Variants in RIOK1 observed in about 807,000 individuals in gnomAD.
RIOK1 encodes serine/threonine-protein kinase RIO1.
RIOK1 carries 66 observed loss-of-function variants against 73.5 expected under a neutral mutation model. The ratio of observed to expected loss-of-function variants is 0.90; its 90% CI spans 0.74 to 1.10. The LOEUF is 1.10. Ranked by LOEUF, RIOK1 falls within the 50% of genes least tolerant of loss-of-function variation. The probability of loss-of-function intolerance (pLI) is 0.00; values close to 1 mark genes in which losing one functional copy is unlikely to be tolerated. For missense variants in RIOK1, 658 were observed against 699.8 expected (o/e 0.94, Z 0.67); for synonymous variants, 224 against 226.8 (o/e 0.99, Z 0.11).
At position 7,389,881 on chromosome 6, in the gene RIOK1, G is replaced by A. The variant is rs1010842035; in HGVS notation, c.-122G>A. ...CCCGTCGCACGTGGTGGCCACTGTT[G>A]GCTTCTGAATGGTTTGCAAGGCGGA... is the stretch of plus-strand genomic sequence containing the variant. On this transcript the variant is annotated 5_prime_UTR_variant, in exon 1 of 17. Transcript: ENST00000379834. 1.1e-4 allele frequency: 80 copies of A among 705,498 alleles called. No individual in the cohort carries two copies. In the African/African-American group the frequency reaches 1.4e-3, roughly 13 times the overall value. The allele number at this position is 705,498 out of a possible 1,614,324, so 43.7% of individuals were successfully genotyped here.
intron 11 of RIOK1, 69 bp from the exon 12 acceptor site, chr6:7,405,180 C>A: frequency 8.9e-7 from 1 of 1,122,034 alleles, no homozygotes; most frequent in Admixed American, 1.9e-5. Flanking sequence ...CCTTGTTTCT[C>A]TATAAGGTAG....
Position 7,400,939 on chromosome 6 carries a change from T to A in RIOK1, c.481-19T>A. 1 of 1,529,132 alleles carries A rather than the reference T, an allele frequency of 6.5e-7. No individual in the cohort carries two copies. Among genetic ancestry groups the A allele is most frequent in the African/African-American group, 1.4e-5 (1 of 72,362 alleles). 94.7% of individuals were successfully genotyped at this position (1,529,132 alleles called of 1,614,324 possible). ...GGTACCGTCTTTTGGAACTTTTTAA[T>A]TTTTGCATTTCTTTTTAGGTGTTGG... On this transcript the variant is annotated intron_variant, in intron 5 of 16. Transcript: ENST00000379834.
chr6:7,417,500 T>C lies in RIOK1; in HGVS notation c.*59T>C. The C allele has an allele frequency of 9.4e-7, 1 of 1,060,376 alleles. No individual in the cohort carries two copies. The highest frequency in any genetic ancestry group is 1.4e-6 in the Non-Finnish European group (1 of 734,468). 65.7% of individuals were successfully genotyped at this position (1,060,376 alleles called of 1,614,324 possible). On this transcript the variant is annotated 3_prime_UTR_variant, in exon 17 of 17. Transcript: ENST00000379834. ...CAGTTCCTTTTCTCGCCTGAACTCT[T>C]AAGCTGCATCTGGAAGATGGCTTAT...
intron 1 of RIOK1, among the ~76,000 whole-genome samples, chr6:7,390,386 A>G (rs1761299167): frequency 6.6e-6 from 1 of 152,208 alleles, no homozygotes. Context: ...CGTTCAACAA[A>G]TACTTACTAA....
rs1424210518 is a variant in RIOK1 at position 7,403,952 on chromosome 6, CAG to C, written c.783_784del (p.Glu261AspfsTer21). On this transcript the variant is annotated frameshift_variant, in exon 9 of 17. Coordinates refer to ENST00000379834, the MANE Select transcript of RIOK1 (RefSeq NM_031480.3). LOFTEE classifies it high-confidence loss of function. ...TTATAATATCACAGGCTAAACACAG[CAG>C]AGATACCATGTCCAGAACCAATAAT... is the stretch of plus-strand genomic sequence containing the variant. 1 of 1,610,714 alleles carries C rather than the reference CAG, an allele frequency of 6.2e-7. No individual in the cohort carries two copies. Among genetic ancestry groups the C allele is most frequent in the South Asian group, 1.1e-5 (1 of 90,974 alleles).
chr6:7,401,582 T>G (rs1430237625), intron 6 of RIOK1, among the ~76,000 whole-genome samples: 1 of 152,124 alleles, frequency 6.6e-6, no homozygotes, highest in African/African-American at 2.4e-5. Flanking sequence ...TTTTGTTTTT[T>G]TTTTAAAGCA....
chr6:7,397,483 A>G (rs1312882144), intron 4 of RIOK1, among the ~76,000 whole-genome samples: 1 of 152,246 alleles, frequency 6.6e-6, no homozygotes, highest in Non-Finnish European at 1.5e-5. Context: ...AACTAATGAT[A>G]TAACTGAGAA....
chr6:7,396,867 G>C (rs922123953), intron 4 of RIOK1, 95 bp downstream of exon 4: 6 of 694,846 alleles, frequency 8.6e-6, no homozygotes, highest in African/African-American at 1.8e-5. Context: ...ATGTTCATTT[G>C]TATACTTAAA....
intron 16 of RIOK1, among the ~76,000 whole-genome samples, chr6:7,415,216 C>T (rs893185348): frequency 9.9e-5 from 15 of 152,120 alleles, no homozygotes; most frequent in Admixed American, 9.8e-4. Context: ...GGGCGGATCA[C>T]TCCAGACCAG....
chr6:7,416,899 A>G (rs781704236), intron 16 of RIOK1, among the ~76,000 whole-genome samples: 2 of 152,096 alleles, frequency 1.3e-5, no homozygotes, highest in Non-Finnish European at 2.9e-5. Context: ...TTTTCTTTAC[A>G]TTACACTCAC....
At chr6:7,405,187 G>A (rs533246249) in intron 11 of RIOK1, 62 bp from the exon 12 acceptor site, 1 of 1,148,042 alleles carries the variant, frequency 8.7e-7, no homozygotes, top group African/African-American at 1.5e-5. Context: ...TCTCTATAAG[G>A]TAGTTGGAAT....
rs748543190 is a variant in RIOK1 at position 7,404,562 on chromosome 6, G to A, written c.992+7G>A. On this transcript the variant is annotated splice_region_variant and intron_variant, in intron 10 of 16. Transcript: ENST00000379834. ...TCAGTGAATTTAACATGCTGTGAGTGTATTTTGTCTCTTAAGAACTGCCTG... is the reference window on the plus strand; with the variant it reads ...TCAGTGAATTTAACATGCTGTGAGTATATTTTGTCTCTTAAGAACTGCCTG... 1.4e-5 allele frequency: 23 copies of A among 1,613,078 alleles called. No homozygotes were observed. Among genetic ancestry groups the A allele is most frequent in the Non-Finnish European group, 2.0e-5 (23 of 1,179,478 alleles).
intron 9 of RIOK1, 148 bp from the exon 10 acceptor site, chr6:7,404,270 C>A: frequency 1.1e-6 from 1 of 931,246 alleles, no homozygotes; most frequent in Non-Finnish European, 1.6e-6. Context: ...ATCTATTTGC[C>A]GGTACCTTCT....
chr6:7,401,220 A>G (rs1444986768), intron 6 of RIOK1, among the ~76,000 whole-genome samples, 170 bp downstream of exon 6: 3 of 152,226 alleles, frequency 2.0e-5, no homozygotes, highest in Non-Finnish European at 4.4e-5. Context: ...CCTTTTCACT[A>G]CCGCTGCTGC....
At chr6:7,414,976 A>C (rs1005270952) in intron 16 of RIOK1, among the ~76,000 whole-genome samples, 1 of 152,120 alleles carries the variant, frequency 6.6e-6, no homozygotes, top group African/African-American at 2.4e-5. Context: ...CCCGTTAGTC[A>C]CTTAGTAGCC....
At chr6:7,397,912 C>T (rs1044443736) in intron 4 of RIOK1, among the ~76,000 whole-genome samples, 29 of 152,124 alleles carry the variant, frequency 1.9e-4, no homozygotes, top group East Asian at 3.9e-4. Context: ...GAGGCAGAGG[C>T]GGGCGGATCA....
At chr6:7,405,163 T>C in intron 11 of RIOK1, 86 bp from the exon 12 acceptor site, 1 of 1,061,134 alleles carries the variant, frequency 9.4e-7, no homozygotes, top group South Asian at 1.4e-5. Context: ...GGTATGTAAT[T>C]TTATCTCCTT....
chr6:7,411,570 A>T, intron 14 of RIOK1, 119 bp downstream of exon 14: 1 of 1,021,936 alleles, frequency 9.8e-7, no homozygotes, highest in Non-Finnish European at 1.5e-6. Flanking sequence ...GAGCTAGTGA[A>T]ATGACTAACT....
At chr6:7,408,105 C>T (rs1761794381) in intron 12 of RIOK1, among the ~76,000 whole-genome samples, 1 of 152,178 alleles carries the variant, frequency 6.6e-6, no homozygotes, top group South Asian at 2.1e-4. Flanking sequence ...GGCACAATCT[C>T]AGCTCACTGT....
Sources: allele counts gnomAD v4.1 joint callset (sites outside exome capture counted in the v4.1 genomes callset), GRCh38; gene constraint gnomAD v4.1.1; transcripts MANE v1.5; gene names NCBI Gene and HGNC (gene_info 2026-07-23, HGNC 2026-07-21).